DENND1A: variants seen among roughly 807,000 people sequenced by gnomAD.
The protein encoded by DENND1A is DENN domain containing 1A.
In DENND1A, 51 loss-of-function variants were observed where a neutral mutation model predicts 113.7. The ratio of observed to expected loss-of-function variants is 0.45; its 90% CI spans 0.36 to 0.57. The LOEUF (loss-of-function observed/expected upper bound fraction) is 0.57. Ranked by LOEUF, DENND1A falls within the 20% of genes least tolerant of loss-of-function variation. The pLI is 0.00. For synonymous variants in DENND1A, 565 were observed against 570.8 expected (o/e 0.99, Z 0.14); for missense variants, 1,258 against 1,395.9 (o/e 0.90, Z 1.57).
chr9:123,399,135 T>C (rs1255407109), intron 21 of DENND1A, among the ~76,000 whole-genome samples: 1 of 152,122 alleles, frequency 6.6e-6, no homozygotes, highest in Non-Finnish European at 1.5e-5. Context: ...TGAACCTCAC[T>C]GTGCTCACTG....
chr9:123,383,404 C>A (rs944389795), intron 23 of DENND1A, among the ~76,000 whole-genome samples: 2 of 152,202 alleles, frequency 1.3e-5, no homozygotes, highest in African/African-American at 2.4e-5. Flanking sequence ...CCCGCCCCCC[C>A]GTCTGATGCA....
intron 1 of DENND1A, chr9:123,928,744 G>T: frequency 1.0e-6 from 1 of 985,436 alleles, no homozygotes; most frequent in Non-Finnish European, 1.2e-6. Flanking sequence ...CTGGACATGA[G>T]ATGCAATGTT....
At chr9:123,611,192 T>C (rs766763212) in intron 10 of DENND1A, among the ~76,000 whole-genome samples, 6 of 152,170 alleles carry the variant, frequency 3.9e-5, no homozygotes, top group Non-Finnish European at 2.9e-5. Context: ...TCTTCTTCTT[T>C]TTTTTAGGTA....
At chr9:123,615,429 T>C (rs2060605140) in intron 10 of DENND1A, among the ~76,000 whole-genome samples, 1 of 152,126 alleles carries the variant, frequency 6.6e-6, no homozygotes, top group African/African-American at 2.4e-5. Flanking sequence ...GGAGGTTAGG[T>C]GGTTTTCTCT....
chr9:123,609,403 A>G (rs760677915), intron 11 of DENND1A, 33 bp downstream of exon 11: 134 of 1,608,798 alleles, frequency 8.3e-5, no homozygotes, highest in Non-Finnish European at 1.1e-4. Context: ...AGCCCCAGGT[A>G]GAGCCATCTG....
intron 3 of DENND1A, among the ~76,000 whole-genome samples, chr9:123,772,342 T>C (rs1829852627): frequency 6.6e-6 from 1 of 152,202 alleles, no homozygotes; most frequent in Non-Finnish European, 1.5e-5. Context: ...GAGTACCACA[T>C]TCATGGCAGT....
intron 13 of DENND1A, among the ~76,000 whole-genome samples, chr9:123,528,344 AT>A (rs1447848748): frequency 1.3e-5 from 2 of 152,206 alleles, no homozygotes; most frequent in African/African-American, 4.8e-5. Context: ...GGAAACCAAT[AT>A]TCTTTATTTC....
chr9:123,489,990 G>C (rs2051230309), intron 13 of DENND1A, among the ~76,000 whole-genome samples: 1 of 152,152 alleles, frequency 6.6e-6, no homozygotes, highest in African/African-American at 2.4e-5. Flanking sequence ...AAAAGGACCA[G>C]AAAAATTCTC....
intron 13 of DENND1A, among the ~76,000 whole-genome samples, chr9:123,506,115 C>T (rs2052909304): frequency 6.6e-6 from 1 of 152,056 alleles, no homozygotes; most frequent in Non-Finnish European, 1.5e-5. Context: ...CAATTCTGAC[C>T]TTAATGCTTC....
chr9:123,839,272 C>T (rs898719689), intron 2 of DENND1A, among the ~76,000 whole-genome samples: 2 of 152,194 alleles, frequency 1.3e-5, no homozygotes, highest in African/African-American at 4.8e-5. Context: ...CCAATTGGTC[C>T]TCATGAAGCC....
chr9:123,572,044 G>A (rs1187844558), intron 12 of DENND1A, among the ~76,000 whole-genome samples: 1 of 152,180 alleles, frequency 6.6e-6, no homozygotes, highest in Non-Finnish European at 1.5e-5. Flanking sequence ...ACCATCTTTA[G>A]TGAATAGTTC....
At chr9:123,754,303 C>G (rs755216074) in intron 5 of DENND1A, among the ~76,000 whole-genome samples, 5 of 152,348 alleles carry the variant, frequency 3.3e-5, no homozygotes, top group Non-Finnish European at 7.3e-5. Context: ...AGTCATCCAG[C>G]TTTAACAGTA....
At chr9:123,868,363 GT>G (rs1167827371) in intron 2 of DENND1A, among the ~76,000 whole-genome samples, 3 of 152,186 alleles carry the variant, frequency 2.0e-5, no homozygotes, top group African/African-American at 7.2e-5. Flanking sequence ...TTTGATAACA[GT>G]TGCTGAGTAG....
chr9:123,625,659 G>A (rs551564962), intron 10 of DENND1A, among the ~76,000 whole-genome samples: 1 of 152,286 alleles, frequency 6.6e-6, no homozygotes, highest in Admixed American at 6.5e-5. Context: ...CAGGAGAATC[G>A]CTTGAACCCA....
At chr9:123,442,838 T>C (rs1409153380) in intron 18 of DENND1A, among the ~76,000 whole-genome samples, 1 of 152,192 alleles carries the variant, frequency 6.6e-6, no homozygotes, top group Non-Finnish European at 1.5e-5. Context: ...ATTTTTGCAA[T>C]GGGAGACTAC....
chr9:123,883,793 C>A (rs1000717364), intron 1 of DENND1A, among the ~76,000 whole-genome samples: 1 of 151,428 alleles, frequency 6.6e-6, no homozygotes, highest in African/African-American at 2.4e-5. Context: ...AATAAAGCCA[C>A]CTAAGATTCT....
intron 13 of DENND1A, among the ~76,000 whole-genome samples, chr9:123,495,171 T>TCTCTCTCTG (rs1564598042): frequency 1.3e-5 from 1 of 76,292 alleles, no homozygotes; most frequent in South Asian, 4.2e-4. Flanking sequence ...CTCTCTCTCT[T>TCTCTCTCTG]ATAATGTCTG....
intron 2 of DENND1A, among the ~76,000 whole-genome samples, chr9:123,840,542 G>T (rs555996805): frequency 1.3e-5 from 2 of 152,096 alleles, no homozygotes; most frequent in East Asian, 1.9e-4. Context: ...TACAAATATT[G>T]TAAGTAAAAT....
At chr9:123,690,704 C>T (rs1328194988) in intron 5 of DENND1A, among the ~76,000 whole-genome samples, 1 of 152,090 alleles carries the variant, frequency 6.6e-6, no homozygotes, top group Non-Finnish European at 1.5e-5. Flanking sequence ...AACAAACAGC[C>T]ACAGGTATGA....
Sources: allele counts gnomAD v4.1 joint callset (sites outside exome capture counted in the v4.1 genomes callset), GRCh38; gene constraint gnomAD v4.1.1; transcripts MANE v1.5; gene names NCBI Gene and HGNC (gene_info 2026-07-23, HGNC 2026-07-21).